The following SCIN variants were observed in gnomAD, a reference collection of about 807,000 sequenced individuals.
The protein encoded by SCIN is scinderin.
Under a neutral mutation model 91.8 loss-of-function variants are expected in SCIN, and 91 were observed. That is an observed-to-expected ratio of 0.99 (90% CI 0.84 to 1.18). The LOEUF (loss-of-function observed/expected upper bound fraction) is 1.18. Ranked by LOEUF, SCIN falls within the 50% of genes most tolerant of loss-of-function variation. The probability of loss-of-function intolerance (pLI) is 0.00; values close to 1 mark genes in which losing one functional copy is unlikely to be tolerated. For missense variants in SCIN, 1,087 were observed against 863.9 expected (o/e 1.26, Z -3.24); for synonymous variants, 367 against 312.6 (o/e 1.17, Z -1.84).
At chr7:12,577,383 GATTT>G (rs1384175002) in intron 1 of SCIN, among the ~76,000 whole-genome samples, 2 of 152,066 alleles carry the variant, frequency 1.3e-5, no homozygotes, top group Non-Finnish European at 1.5e-5. Context: ...TAAAATCAAA[GATTT>G]ATCCTAATAA....
chr7:12,592,809 G>C (rs1400251849), intron 3 of SCIN, among the ~76,000 whole-genome samples: 2 of 152,060 alleles, frequency 1.3e-5, no homozygotes, highest in Non-Finnish European at 2.9e-5. Context: ...GGGATGAGTG[G>C]GTCCTGAGAA....
At chr7:12,573,007 GA>G (rs901856695) in intron 1 of SCIN, among the ~76,000 whole-genome samples, 24 of 147,986 alleles carry the variant, frequency 1.6e-4, no homozygotes, top group Admixed American at 2.7e-4. Context: ...AGCCTTTAGA[GA>G]AAAAAAAAAT....
At chr7:12,579,837 C>T (rs1291574140) in intron 2 of SCIN, among the ~76,000 whole-genome samples, 1 of 152,128 alleles carries the variant, frequency 6.6e-6, no homozygotes, top group African/African-American at 2.4e-5. Flanking sequence ...TTGCTTGAAC[C>T]CAGGAGGCAG....
chr7:12,582,501 G>C (rs1782507631), intron 3 of SCIN, among the ~76,000 whole-genome samples: 1 of 152,086 alleles, frequency 6.6e-6, no homozygotes. Context: ...CAACTGTCTT[G>C]GATCATACCA....
At position 12,621,941 on chromosome 7, in the gene SCIN, G is replaced by A. The variant is rs141482998; in HGVS notation, c.667-860G>A. Among the ~76,000 whole-genome samples, 1,236 of 151,650 alleles carry A rather than the reference G, an allele frequency of 8.2e-3. 10 individuals are homozygous for A. The highest frequency in any genetic ancestry group is 0.028 in the African/African-American group (1,176 of 41,438). The stretch of plus-strand genomic sequence containing the variant: ...ACATTATGTAAGGAACTTATTGTGT[G>A]TTAAATATTTGTTGTATCTAAATGA... On this transcript the variant is annotated intron_variant, in intron 4 of 15. Coordinates refer to ENST00000297029, the MANE Select transcript of SCIN (RefSeq NM_001112706.3).
At chr7:12,623,562 A>G (rs1393501541) in intron 5 of SCIN, among the ~76,000 whole-genome samples, 1 of 152,094 alleles carries the variant, frequency 6.6e-6, no homozygotes, top group Non-Finnish European at 1.5e-5. Flanking sequence ...GGTAACAAAA[A>G]CTGCAAGACA....
chr7:12,657,591 T>A lies in SCIN; in HGVS notation c.*4876T>A, dbSNP rs1583330680. ...ATATATATTTTTTTTTTTTTTTTTT[T>A]TTTTTTTGCATTGGCAAAAAAACAA... On this transcript the variant is annotated 3_prime_UTR_variant, in exon 16 of 16. Coordinates refer to ENST00000297029, the MANE Select transcript of SCIN (RefSeq NM_001112706.3). 1 of 116,612 alleles carries A rather than the reference T, an allele frequency of 8.6e-6. No homozygotes were observed. Among genetic ancestry groups the A allele is most frequent in the African/African-American group, 3.4e-5 (1 of 29,726 alleles). The allele number at this position is 116,612 out of a possible 1,614,324, so 7.2% of individuals were successfully genotyped here. A position where few individuals can be genotyped will look rare whatever the true frequency, so the allele number is the denominator to read the frequency against.
intron 4 of SCIN, among the ~76,000 whole-genome samples, chr7:12,611,452 T>A (rs1016527049): frequency 3.9e-5 from 6 of 152,210 alleles, no homozygotes; most frequent in African/African-American, 9.6e-5. Context: ...GTCCTAAGTT[T>A]ACTAGACTTA....
In SCIN at chr7:12,640,467, C is replaced by A; in HGVS notation, c.1531C>A (p.Arg511Ser). The change falls in exon 11 of 16, where the codon CGC becomes AGC. Residue 511 changes from arginine (R) to serine (S), a missense_variant. Transcript: ENST00000297029. ...KGGQAPAPPT[R>S]LFQVRRNLAS... ...AGGTCAGGCACCTGCTCCCCCTACACGCCTCTTTCAAGTCCGGAGAAACCT... is the reference window on the plus strand; with the variant it reads ...AGGTCAGGCACCTGCTCCCCCTACAAGCCTCTTTCAAGTCCGGAGAAACCT... The A allele has an allele frequency of 1.9e-6, 3 of 1,613,118 alleles. No individual in the cohort carries two copies. The highest frequency in any genetic ancestry group is 2.5e-6 in the Non-Finnish European group (3 of 1,179,508).
At chr7:12,646,378 A>G (rs1783965705) in intron 13 of SCIN, among the ~76,000 whole-genome samples, 1 of 152,202 alleles carries the variant, frequency 6.6e-6, no homozygotes, top group Non-Finnish European at 1.5e-5. Flanking sequence ...AGCAAGCTCT[A>G]GTCGTGTTCT....
At chr7:12,598,533 GT>G (rs911317109) in intron 3 of SCIN, among the ~76,000 whole-genome samples, 33 of 152,048 alleles carry the variant, frequency 2.2e-4, no homozygotes, top group African/African-American at 6.3e-4. Context: ...CTAAAATTGT[GT>G]TTTTAAAGCA....
At chr7:12,625,200 GGT>G in intron 6 of SCIN, 58 bp downstream of exon 6, 1 of 1,365,392 alleles carries the variant, frequency 7.3e-7, no homozygotes, top group Non-Finnish European at 9.8e-7. Flanking sequence ...CCTCTATAAG[GGT>G]AAATAAAATA....
chr7:12,594,895 T>A (rs1782807215), intron 3 of SCIN, among the ~76,000 whole-genome samples: 1 of 151,982 alleles, frequency 6.6e-6, no homozygotes, highest in Admixed American at 6.5e-5. Context: ...GGGTTCCAGG[T>A]AATAGGCAAA....
intron 3 of SCIN, among the ~76,000 whole-genome samples, chr7:12,587,131 G>T (rs1782604586): frequency 6.6e-6 from 1 of 152,178 alleles, no homozygotes; most frequent in African/African-American, 2.4e-5. Context: ...GGTGATTGAT[G>T]TGCTAATTAC....
At chr7:12,631,546 A>G (rs879932846) in intron 9 of SCIN, among the ~76,000 whole-genome samples, 3 of 152,132 alleles carry the variant, frequency 2.0e-5, no homozygotes, top group Non-Finnish European at 2.9e-5. Context: ...TCATTAATGG[A>G]TGAATGGGTT....
intron 13 of SCIN, among the ~76,000 whole-genome samples, chr7:12,645,326 TC>T (rs1452557058): frequency 6.6e-6 from 1 of 151,866 alleles, no homozygotes; most frequent in Non-Finnish European, 1.5e-5. Context: ...AGACTCCATC[TC>T]AAAAAAAACA....
intron 4 of SCIN, among the ~76,000 whole-genome samples, chr7:12,611,752 A>G (rs979448276): frequency 6.6e-6 from 1 of 152,156 alleles, no homozygotes; most frequent in African/African-American, 2.4e-5. Flanking sequence ...GGAAAATGGT[A>G]TAAATAAATA....
intron 3 of SCIN, among the ~76,000 whole-genome samples, chr7:12,599,488 C>T (rs849770): frequency 1.3e-5 from 2 of 151,844 alleles, no homozygotes; most frequent in Admixed American, 6.6e-5. Flanking sequence ...CACGTGTGTG[C>T]AAGTATCTTT....
Position 12,651,565 on chromosome 7 carries a change from G to C in SCIN, c.1960-276G>C, listed in dbSNP as rs1353490303. Among the ~76,000 whole-genome samples, 1 of 150,008 alleles carries C rather than the reference G, an allele frequency of 6.7e-6. No individual in the cohort carries two copies. Among genetic ancestry groups the C allele is most frequent in the Admixed American group, 6.7e-5 (1 of 15,020 alleles). ...AGACAATCTGTTTTTTTTTGTGAAAGATCACTTTACAAACTAGAAAGTACC... is the reference window on the plus strand; with the variant it reads ...AGACAATCTGTTTTTTTTTGTGAAACATCACTTTACAAACTAGAAAGTACC... On this transcript the variant is annotated intron_variant, in intron 14 of 15. Coordinates refer to ENST00000297029, the MANE Select transcript of SCIN (RefSeq NM_001112706.3). The surrounding 1 kb of genome is among the most constrained non-coding windows in gnomAD (Gnocchi z 5.9).
Sources: allele counts gnomAD v4.1 joint callset (sites outside exome capture counted in the v4.1 genomes callset), GRCh38; gene constraint gnomAD v4.1.1; non-coding constraint Gnocchi (gnomAD v3.1); transcripts MANE v1.5; gene names NCBI Gene and HGNC (gene_info 2026-07-23, HGNC 2026-07-21).